The following NUP205 variants were observed in gnomAD, a reference collection of about 807,000 sequenced individuals.
The protein encoded by NUP205 is nucleoporin 205, also known as nuclear pore complex protein Nup205.
NUP205 carries 76 observed loss-of-function variants against 253.8 expected under a neutral mutation model. The observed-to-expected ratio is 0.30, with a 90% CI of 0.25 to 0.36. The LOEUF is 0.36. NUP205 is among the 10% of genes least tolerant of loss of function. The pLI, the probability that NUP205 is intolerant of heterozygous loss-of-function variation, is 1.00. For missense variants in NUP205, 2,162 were observed against 2,425.5 expected (o/e 0.89, Z 2.28); for synonymous variants, 832 against 850.1 (o/e 0.98, Z 0.37).
At chr7:135,560,790 CAG>C (rs921949976) in intron 1 of NUP205, among the ~76,000 whole-genome samples, 4 of 151,958 alleles carry the variant, frequency 2.6e-5, no homozygotes, top group African/African-American at 4.8e-5. Flanking sequence ...CTCATAGAAA[CAG>C]AAAGTAGAAT....
chr7:135,568,336 A>T (rs759827622), intron 1 of NUP205, among the ~76,000 whole-genome samples: 1 of 151,426 alleles, frequency 6.6e-6, no homozygotes, highest in Non-Finnish European at 1.5e-5. Context: ...TTAGTTTTTT[A>T]TTGTTGTTGT....
chr7:135,579,039 T>A, intron 7 of NUP205, 124 bp downstream of exon 7: 1 of 662,428 alleles, frequency 1.5e-6, no homozygotes, highest in Non-Finnish European at 2.3e-6. Context: ...AGAGTTGTAT[T>A]AAATGAAACC....
At chr7:135,572,790 A>C (rs1806035364) in intron 2 of NUP205, among the ~76,000 whole-genome samples, 1 of 152,142 alleles carries the variant, frequency 6.6e-6, no homozygotes, top group African/African-American at 2.4e-5. Flanking sequence ...CCTGGCCTCA[A>C]GTGATCTGCC....
intron 2 of NUP205, among the ~76,000 whole-genome samples, chr7:135,573,239 TAA>T (rs1309752723): frequency 3.9e-5 from 6 of 152,334 alleles, no homozygotes; most frequent in African/African-American, 1.2e-4. Flanking sequence ...TTTTAGGAAA[TAA>T]GACTACATTT....
intron 19 of NUP205, among the ~76,000 whole-genome samples, chr7:135,605,512 C>G (rs761813624): frequency 6.6e-6 from 1 of 152,166 alleles, no homozygotes; most frequent in Non-Finnish European, 1.5e-5. Flanking sequence ...CCACTTATTT[C>G]TAAGTTCCCT....
intron 25 of NUP205, 30 bp downstream of exon 25, chr7:135,616,756 AT>A: frequency 1.5e-6 from 2 of 1,307,752 alleles, no homozygotes; most frequent in Non-Finnish European, 2.1e-6. Flanking sequence ...TAATAAATTT[AT>A]TTTATAGACA....
chr7:135,576,519 G>C, intron 4 of NUP205, 105 bp downstream of exon 4: 1 of 891,694 alleles, frequency 1.1e-6, no homozygotes, highest in Admixed American at 2.3e-5. Context: ...CATAAGCTGA[G>C]TAATATACTC....
intron 10 of NUP205, among the ~76,000 whole-genome samples, chr7:135,590,741 C>T (rs1036074638): frequency 6.6e-6 from 1 of 151,826 alleles, no homozygotes; most frequent in Admixed American, 6.6e-5. Context: ...CCATGTTGGC[C>T]AGGATAGTCT....
intron 35 of NUP205, among the ~76,000 whole-genome samples, chr7:135,634,025 C>T (rs999238801): frequency 1.3e-5 from 2 of 152,158 alleles, no homozygotes; most frequent in Non-Finnish European, 2.9e-5. Context: ...AGCCCACTAC[C>T]GTGTATGTTG....
rs1444201986 is a variant in NUP205, at chr7:135,593,030, A to C, written c.1668A>C (p.Glu556Asp). The C allele has an allele frequency of 6.8e-6, 11 of 1,613,908 alleles. No individual in the cohort carries two copies. In the Admixed American group the frequency reaches 1.7e-4, roughly 24 times the overall value. ...CAGGTGGCAGTCCTGTTTCCTGGGA[A>C]CATTTCTTTCACTCCTTGATGCTTT... ...QGAGGSPVSWEHFFHSLMLYH... is the reference protein window; with the variant it reads ...QGAGGSPVSWDHFFHSLMLYH... The change falls in exon 12 of 43, where the codon GAA (glutamate) becomes GAC (aspartate). Residue 556 changes from glutamate (E) to aspartate (D), a missense_variant. Around this residue, in one of 5 missense-constraint regions of NUP205, gnomAD observed 892 missense variants for 957.1 expected, o/e 0.93. Transcript: ENST00000285968.
intron 36 of NUP205, among the ~76,000 whole-genome samples, chr7:135,637,026 A>G (rs536771882): frequency 6.6e-6 from 1 of 152,332 alleles, no homozygotes; most frequent in East Asian, 1.9e-4. Context: ...AAATAAAATA[A>G]TAAGACAGTG....
intron 1 of NUP205, among the ~76,000 whole-genome samples, chr7:135,565,141 C>T (rs1286527295): frequency 2.0e-5 from 3 of 152,118 alleles, no homozygotes; most frequent in Non-Finnish European, 2.9e-5. Context: ...CTCTACCATT[C>T]ACTGAGCTTA....
chr7:135,570,052 T>TAGAGAGAGAGAG (rs373590569), intron 1 of NUP205, among the ~76,000 whole-genome samples: 2 of 79,166 alleles, frequency 2.5e-5, no homozygotes, highest in African/African-American at 1.0e-4. Context: ...TATATATATA[T>TAGAGAGAGAGAG]AGAGAGAGAG....
At chr7:135,613,027 A>C (rs1416557141) in intron 22 of NUP205, among the ~76,000 whole-genome samples, 1 of 152,006 alleles carries the variant, frequency 6.6e-6, no homozygotes, top group African/African-American at 2.4e-5. Flanking sequence ...TTGAGGCTGC[A>C]GTGAGCTGTG....
chr7:135,571,341 A>AT (rs891465223), intron 2 of NUP205, 94 bp downstream of exon 2: 7 of 876,836 alleles, frequency 8.0e-6, no homozygotes, highest in East Asian at 3.5e-5. Context: ...TAATTTTCAA[A>AT]TTTTTTTCAG....
intron 22 of NUP205, among the ~76,000 whole-genome samples, chr7:135,611,939 C>T (rs966414289): frequency 6.6e-6 from 1 of 151,952 alleles, no homozygotes; most frequent in African/African-American, 2.4e-5. Flanking sequence ...ACGGTGAAAC[C>T]CCGTCTCTAC....
chr7:135,587,886 A>G lies in NUP205; in HGVS notation c.1367A>G (p.His456Arg). Residue 456 changes from histidine (H) to arginine (R), a missense_variant, in exon 10 of 43, where the codon CAT (histidine) becomes CGT (arginine). Coordinates refer to ENST00000285968, the MANE Select transcript of NUP205 (RefSeq NM_015135.3). ...IGELYKKNPF[H>R]LELALEYWCP... is the part of the protein sequence containing the mutation. ...GAGCTATATAAAAAGAACCCTTTTC[A>G]TCTGGAGCTTGCTCTAGAATATTGG... 2 of 1,613,784 alleles carry G rather than the reference A, an allele frequency of 1.2e-6. No homozygotes were observed. Among genetic ancestry groups the G allele is most frequent in the South Asian group, 1.1e-5 (1 of 91,018 alleles).
Position 135,615,848 on chromosome 7 carries a change from A to G in NUP205, c.3311-68A>G, listed in dbSNP as rs1794344755. The stretch of plus-strand genomic sequence containing the variant: ...CATGGGAAAATATCTGTTGAGTTAC[A>G]GAATTTAAGTCTGTTTTGATACTGT... On this transcript the variant is annotated intron_variant, in intron 23 of 42. Transcript: ENST00000285968. 14 of 1,001,614 alleles carry G rather than the reference A, an allele frequency of 1.4e-5. No homozygotes were observed. The South Asian group carries it at 3.4e-4, about 24-fold the overall frequency. The allele number at this position is 1,001,614 out of a possible 1,614,324, so 62.0% of individuals were successfully genotyped here.
intron 13 of NUP205, among the ~76,000 whole-genome samples, chr7:135,596,772 A>C (rs995394853): frequency 6.6e-6 from 1 of 151,606 alleles, no homozygotes; most frequent in African/African-American, 2.4e-5. Context: ...CAACATGGTG[A>C]AACCTTGTCT....
Sources: gnomAD v4.1 joint callset for allele counts (sites outside exome capture counted in the v4.1 genomes callset) on GRCh38, gnomAD v4.1.1 for gene constraint, gnomAD v4.1.1 regional missense constraint, MANE v1.5 for transcripts, NCBI Gene and HGNC (gene_info 2026-07-23, HGNC 2026-07-21) for gene names.